The following SDK1 variants were observed in gnomAD, a reference collection of about 807,000 sequenced individuals.
The protein encoded by SDK1 is protein sidekick-1.
A neutral mutation model predicts 245.5 loss-of-function variants in SDK1; 157 were observed. The observed-to-expected ratio is 0.64, with a 90% CI of 0.56 to 0.73. The LOEUF (loss-of-function observed/expected upper bound fraction) is 0.73. SDK1 is among the 30% of genes least tolerant of loss of function. The pLI, the probability that SDK1 is intolerant of heterozygous loss-of-function variation, is 0.00. For synonymous variants in SDK1, 1,647 were observed against 1,278.5 expected, an observed-to-expected ratio of 1.29 and a Z score of -6.15; for missense variants, 3,583 against 3,002.3, an observed-to-expected ratio of 1.19 and a Z score of -4.52.
At chr7:4,095,216 C>A (rs1398868286) in intron 22 of SDK1, among the ~76,000 whole-genome samples, 3 of 140,824 alleles carry the variant, frequency 2.1e-5, no homozygotes, top group African/African-American at 8.2e-5. Flanking sequence ...TCAGCTCCCC[C>A]ACATCTGAGC....
At chr7:4,010,858 G>A (rs2128148915) in intron 14 of SDK1, 108 bp from the exon 15 acceptor site, 1 of 1,153,282 alleles carries the variant, frequency 8.7e-7, no homozygotes, top group Non-Finnish European at 1.3e-6. Flanking sequence ...TCCTAGAGCT[G>A]TCCTGCTAAG....
chr7:3,666,233 C>T (rs1783528467), intron 4 of SDK1, among the ~76,000 whole-genome samples: 1 of 152,290 alleles, frequency 6.6e-6, no homozygotes, highest in African/African-American at 2.4e-5. Context: ...TCCTCCTGGC[C>T]TTGTGCCGCC....
intron 5 of SDK1, among the ~76,000 whole-genome samples, chr7:3,903,299 A>G (rs1014892977): frequency 5.9e-5 from 9 of 151,944 alleles, no homozygotes; most frequent in Non-Finnish European, 1.2e-4. Context: ...GCCCGCCACC[A>G]TGGCCGGCTA....
chr7:3,720,772 C>T (rs74457226), intron 4 of SDK1, among the ~76,000 whole-genome samples: 2 of 152,316 alleles, frequency 1.3e-5, no homozygotes, highest in African/African-American at 2.4e-5. Flanking sequence ...ATGAAAACTA[C>T]GTTCACACAA....
intron 1 of SDK1, among the ~76,000 whole-genome samples, chr7:3,407,738 A>G (rs1013273984): frequency 1.1e-4 from 17 of 152,182 alleles, no homozygotes; most frequent in African/African-American, 4.1e-4. Context: ...TGTGTCAGGT[A>G]CTGTTCTAGG....
chr7:3,511,067 T>G (rs895115704), intron 1 of SDK1, among the ~76,000 whole-genome samples: 1 of 152,178 alleles, frequency 6.6e-6, no homozygotes, highest in African/African-American at 2.4e-5. Context: ...TGACAGTGGC[T>G]TGGGCCAGGG....
intron 1 of SDK1, among the ~76,000 whole-genome samples, chr7:3,602,668 C>G (rs952577132): frequency 6.6e-5 from 10 of 152,000 alleles, no homozygotes; most frequent in African/African-American, 2.4e-4. Flanking sequence ...TGTGCAGAAG[C>G]TCTTTAGTTT....
In SDK1 at chr7:3,525,272, A is replaced by G. The variant is rs1187114884; in HGVS notation, c.299-93808A>G. On this transcript the variant is annotated intron_variant, in intron 1 of 44. Transcript: ENST00000404826. ...TGTACGTGATGATGGGCCTCTCTCC[A>G]TGAATTTAAGTCACCAGGACTGGGT... is the stretch of plus-strand genomic sequence containing the variant. Among the ~76,000 whole-genome samples the G allele has an allele frequency of 1.4e-4, 21 of 152,148 alleles. No homozygotes were observed. In the East Asian group the frequency reaches 4.1e-3, roughly 30 times the overall value.
intron 1 of SDK1, among the ~76,000 whole-genome samples, chr7:3,505,052 G>A (rs997710374): frequency 1.3e-5 from 2 of 151,940 alleles, no homozygotes; most frequent in African/African-American, 2.4e-5. Flanking sequence ...TTTTCTATAT[G>A]GTAAGCCCCC....
intron 1 of SDK1, among the ~76,000 whole-genome samples, chr7:3,461,999 A>C (rs1297994538): frequency 6.6e-6 from 1 of 152,072 alleles, no homozygotes. Flanking sequence ...GACCTCCCCT[A>C]ACCCTTCCCT....
chr7:4,015,941 C>A (rs951189130), intron 16 of SDK1, among the ~76,000 whole-genome samples: 1 of 152,246 alleles, frequency 6.6e-6, no homozygotes, highest in African/African-American at 2.4e-5. Flanking sequence ...TGTGAAGAAC[C>A]TTGTGTGACC....
At chr7:3,867,018 C>G (rs1311984631) in intron 5 of SDK1, among the ~76,000 whole-genome samples, 1 of 152,178 alleles carries the variant, frequency 6.6e-6, no homozygotes, top group African/African-American at 2.4e-5. Flanking sequence ...CAAAGTGGCT[C>G]ACATGTGGAA....
intron 5 of SDK1, among the ~76,000 whole-genome samples, chr7:3,832,917 G>T (rs376602479): frequency 4.6e-5 from 7 of 152,052 alleles, no homozygotes; most frequent in African/African-American, 1.7e-4. Context: ...TGTGACCTCT[G>T]CTTGTCAGTG....
intron 4 of SDK1, among the ~76,000 whole-genome samples, chr7:3,674,838 A>G: frequency 6.6e-6 from 1 of 152,140 alleles, no homozygotes; most frequent in Non-Finnish European, 1.5e-5. Context: ...TTCAGCACGC[A>G]TTGGGTAAAG....
intron 4 of SDK1, among the ~76,000 whole-genome samples, chr7:3,808,546 G>A (rs1470026806): frequency 6.6e-6 from 1 of 152,196 alleles, no homozygotes; most frequent in East Asian, 1.9e-4. Flanking sequence ...TGCACCGTGA[G>A]GCAGAAGAGA....
At chr7:3,961,105 C>T (rs780429412) in intron 8 of SDK1, among the ~76,000 whole-genome samples, 5 of 152,200 alleles carry the variant, frequency 3.3e-5, no homozygotes, top group Non-Finnish European at 7.3e-5. Context: ...TGTAGACTTA[C>T]AAATATAGAG....
At position 3,958,914 on chromosome 7, in the gene SDK1, T is replaced by A. The variant is rs766750302; in HGVS notation, c.1151-17T>A. Reference sequence around the variant, plus strand: ...CTTCTTTGGCTTAGGGGCTTTTTTTTATTTTCTTGTTTGAAGAGCCACCAT... The same window carrying A: ...CTTCTTTGGCTTAGGGGCTTTTTTTAATTTTCTTGTTTGAAGAGCCACCAT... On this transcript the variant is annotated splice_polypyrimidine_tract_variant and intron_variant, in intron 7 of 44. Coordinates refer to ENST00000404826, the MANE Select transcript of SDK1 (RefSeq NM_152744.4). 82 of 1,607,166 alleles carry A rather than the reference T, an allele frequency of 5.1e-5. No individual in the cohort carries two copies. Among genetic ancestry groups the A allele is most frequent in the Non-Finnish European group, 6.5e-5 (76 of 1,174,348 alleles).
At chr7:3,966,681 C>CTTT (rs951618331) in intron 9 of SDK1, among the ~76,000 whole-genome samples, 1 of 148,468 alleles carries the variant, frequency 6.7e-6, no homozygotes. Context: ...CAATAATTAG[C>CTTT]TTTTTTTTTT....
At chr7:4,131,908 C>G (rs1040594864) in intron 27 of SDK1, among the ~76,000 whole-genome samples, 1 of 152,152 alleles carries the variant, frequency 6.6e-6, no homozygotes, top group Non-Finnish European at 1.5e-5. Flanking sequence ...GCCGCCTCAT[C>G]TACCACCTGC....
Sources: gnomAD v4.1 joint callset for allele counts (sites outside exome capture counted in the v4.1 genomes callset) on GRCh38, gnomAD v4.1.1 for gene constraint, MANE v1.5 for transcripts, NCBI Gene and HGNC (gene_info 2026-07-23, HGNC 2026-07-21) for gene names.